The following RPE65 variants were observed in gnomAD, a reference collection of about 807,000 sequenced individuals.
RPE65 encodes the protein retinoid isomerohydrolase.
In RPE65, 58 loss-of-function variants were observed where a neutral mutation model predicts 68.5. That is an observed-to-expected ratio of 0.85 (90% CI 0.69 to 1.05). The LOEUF is 1.05. RPE65 is among the 50% of genes least tolerant of loss of function. The pLI is 0.00. For missense variants in RPE65, 643 were observed against 629.9 expected, an observed-to-expected ratio of 1.02 and a Z score of -0.22; for synonymous variants, 220 against 222.2, an observed-to-expected ratio of 0.99 and a Z score of 0.09.
At position 68,438,228 on chromosome 1, in the gene RPE65, G is replaced by C; in HGVS notation, c.1087C>G (p.Pro363Ala). 1 of 1,613,908 alleles carries C rather than the reference G, an allele frequency of 6.2e-7. No individual in the cohort carries two copies. The highest frequency in any genetic ancestry group is 8.5e-7 in the Non-Finnish European group (1 of 1,179,930). The part of the protein sequence containing the change: ...VKKNARKAPQ[P>A]EVRRYVLPLN... ...GGAAGTACATATCTCCTAACTTCAG[G>C]TTGGGGAGCCTTTCTGGCATTTTTT... Residue 363 changes from proline to alanine, a missense_variant, in exon 10 of 14, where the codon CCT (proline) becomes GCT (alanine). Transcript: ENST00000262340.
intron 3 of RPE65, 94 bp downstream of exon 3, chr1:68,446,616 G>C: frequency 1.4e-6 from 2 of 1,464,318 alleles, no homozygotes; most frequent in Non-Finnish European, 1.9e-6. Flanking sequence ...TATATAGGTT[G>C]CCTCCTGAGT....
rs777879312 is a variant in RPE65, at chr1:68,448,614, C to T, written c.94+10G>A. 3.1e-5 allele frequency: 50 copies of T among 1,613,248 alleles called. No individual in the cohort carries two copies. Among genetic ancestry groups the T allele is most frequent in the South Asian group, 6.6e-5 (6 of 90,966 alleles). ...TAAAAGAGGATGGCTTCAAGATGGGCGAGACCAACCTGTTACATGAGCTGT... is the reference window on the plus strand; with the variant it reads ...TAAAAGAGGATGGCTTCAAGATGGGTGAGACCAACCTGTTACATGAGCTGT... On this transcript the variant is annotated intron_variant, in intron 2 of 13. Transcript: ENST00000262340.
In RPE65 at chr1:68,430,706, T is replaced by A. The variant is rs536664579; in HGVS notation, c.1450+359A>T. Among the ~76,000 whole-genome samples the A allele has an allele frequency of 2.0e-4, 30 of 152,332 alleles. No homozygotes were observed. In the South Asian group the frequency reaches 6.2e-3, roughly 32 times the overall value. ...ATTCTCTTGTATCTGCTATAATACT[T>A]AGCTTCCCTTCTTAGAATTGCTATT... is the stretch of plus-strand genomic sequence containing the variant. On this transcript the variant is annotated intron_variant, in intron 13 of 13. Transcript: ENST00000262340.
chr1:68,445,241 C>T (rs921748365), intron 3 of RPE65, among the ~76,000 whole-genome samples: 2 of 152,028 alleles, frequency 1.3e-5, no homozygotes, highest in African/African-American at 2.4e-5. Context: ...ACATAGGACC[C>T]CCACCCCCAT....
chr1:68,429,585 A>T lies in RPE65; in HGVS notation c.*191T>A. 1.6e-6 allele frequency: 1 copy of T among 629,424 alleles called. No homozygotes were observed. Among genetic ancestry groups the T allele is most frequent in the Non-Finnish European group, 2.8e-6 (1 of 363,248 alleles). The allele number at this position is 629,424 out of a possible 1,614,324, so 39.0% of individuals were successfully genotyped here. A position where few individuals can be genotyped will look rare whatever the true frequency, so the allele number is the denominator to read the frequency against. On this transcript the variant is annotated 3_prime_UTR_variant, in exon 14 of 14. Transcript: ENST00000262340. ...ACAGAGGAAGTATGATTATCTAAATACGTACTTTTTTTTTTAAATAAAGGA... is the reference window on the plus strand; with the variant it reads ...ACAGAGGAAGTATGATTATCTAAATTCGTACTTTTTTTTTTAAATAAAGGA...
At chr1:68,434,311 C>T (rs1288048130) in intron 10 of RPE65, among the ~76,000 whole-genome samples, 2 of 151,900 alleles carry the variant, frequency 1.3e-5, no homozygotes, top group African/African-American at 4.8e-5. Flanking sequence ...AACTGATTCC[C>T]CTGGAAATTA....
At chr1:68,438,885 C>A (rs1434967892) in intron 9 of RPE65, 57 bp downstream of exon 9, 54 of 1,608,840 alleles carry the variant, frequency 3.4e-5, no homozygotes, top group African/African-American at 6.7e-5. Flanking sequence ...TCTGTAAAAA[C>A]CCCGTAATTT....
rs781193278 is a variant in RPE65, at chr1:68,439,004, G to A, written c.936C>T (p.Phe312=). ...TGTCTTCATAGGTGTTGATGTGATG[G>A]AAGAGGTTGAAAGGAGAAGTTCTGT... ...NKYRTSPFNL[F]HHINTYEDNG... The change falls in exon 9 of 14, where the codon TTC becomes TTT. Residue 312 remains phenylalanine, a synonymous_variant. Coordinates refer to ENST00000262340, the MANE Select transcript of RPE65 (RefSeq NM_000329.3). 1 of 1,613,994 alleles carries A rather than the reference G, an allele frequency of 6.2e-7. No homozygotes were observed. Among genetic ancestry groups the A allele is most frequent in the African/African-American group, 1.3e-5 (1 of 74,924 alleles).
In RPE65 at chr1:68,444,650, C is replaced by T. The variant is rs1270467125; in HGVS notation, c.376G>A (p.Val126Ile). The change falls in exon 5 of 14, where the codon GTA becomes ATA. Residue 126 changes from valine (V) to isoleucine (I), a missense_variant. Val to Ile is a conservative substitution (Grantham distance 29). Transcript: ENST00000262340. Reference sequence around the variant, plus strand: ...ACAAGGGCATTGTCAGTAACCTCTACTCCTCGAAAGTAAGAAAAAAACCTG... The same window carrying T: ...ACAAGGGCATTGTCAGTAACCTCTATTCCTCGAAAGTAAGAAAAAAACCTG... Reference protein sequence around the residue: ...FSRFFSYFRGVEVTDNALVNV... With the variant: ...FSRFFSYFRGIEVTDNALVNV... The T allele has an allele frequency of 2.5e-6, 4 of 1,614,134 alleles. No individual in the cohort carries two copies. The highest frequency in any genetic ancestry group is 3.4e-6 in the Non-Finnish European group (4 of 1,180,030).
At chr1:68,441,953 G>T (rs1466015831) in intron 5 of RPE65, among the ~76,000 whole-genome samples, 3 of 152,122 alleles carry the variant, frequency 2.0e-5, no homozygotes, top group Non-Finnish European at 4.4e-5. Context: ...GGAGAGAGAA[G>T]ATCTTTGCTT....
chr1:68,449,811 G>T, intron 1 of RPE65, 84 bp downstream of exon 1: 1 of 1,479,240 alleles, frequency 6.8e-7, no homozygotes, highest in Non-Finnish European at 9.5e-7. Context: ...ATTAATCAAT[G>T]CCTTCTCTTC....
chr1:68,430,316 A>G (rs1328267882), intron 13 of RPE65, among the ~76,000 whole-genome samples: 2 of 152,234 alleles, frequency 1.3e-5, no homozygotes, highest in Admixed American at 6.5e-5. Context: ...GATCACATGA[A>G]AAGTGTGTAT....
intron 5 of RPE65, among the ~76,000 whole-genome samples, chr1:68,442,773 A>G (rs1465520620): frequency 6.6e-6 from 1 of 152,106 alleles, no homozygotes; most frequent in African/African-American, 2.4e-5. Context: ...TGATTTAGAA[A>G]CTCAGCTTTT....
rs773612245 is a variant in RPE65 at position 68,439,061 on chromosome 1, G to A, written c.879C>T (p.Asp293=). 2.5e-6 allele frequency: 4 copies of A among 1,613,496 alleles called. No individual in the cohort carries two copies. The highest frequency in any genetic ancestry group is 1.1e-5 in the South Asian group (1 of 91,028). ...TATTGAGGTACTTTTTCCTTTTTTT[G>A]TCAGCAATATGAAGCCAAACCTTGA... is the stretch of plus-strand genomic sequence containing the variant. ...ETMGVWLHIA[D]KKRKKYLNNK... is the part of the protein sequence containing the mutation. The change falls in exon 9 of 14, where the codon GAC becomes GAT. Residue 293 remains aspartate, a synonymous_variant. Transcript: ENST00000262340.
chr1:68,444,764 G>A lies in RPE65; in HGVS notation c.353+12C>T. 6.2e-7 allele frequency: 1 copy of A among 1,613,960 alleles called. No homozygotes were observed. The highest frequency in any genetic ancestry group is 8.5e-7 in the Non-Finnish European group (1 of 1,179,838). On this transcript the variant is annotated intron_variant, in intron 4 of 13. Coordinates refer to ENST00000262340, the MANE Select transcript of RPE65 (RefSeq NM_000329.3). ...AAATGTCTTGAGTAACATTCAGTTT[G>A]GGTTCAGTAACCTGGAAAATATATT...
intron 10 of RPE65, among the ~76,000 whole-genome samples, chr1:68,437,677 A>G (rs1292300015): frequency 6.6e-6 from 1 of 152,190 alleles, no homozygotes; most frequent in Non-Finnish European, 1.5e-5. Context: ...CTCTAAATAC[A>G]GGGAAGAAAA....
chr1:68,448,670 A>G lies in RPE65; in HGVS notation c.48T>C (p.Phe16=), dbSNP rs62642581. The G allele has an allele frequency of 8.0e-4, 1,293 of 1,613,884 alleles. 2 individuals are homozygous for G. Among genetic ancestry groups the G allele is most frequent in the Non-Finnish European group, 1.1e-3 (1,250 of 1,179,940 alleles). ...EHPAGGYKKL[F]ETVEELSSPL... is the part of the protein sequence containing the mutation. ...GCGAGGACAGTTCCTCCACAGTTTCAAACAGTTTCTTGTAACCACCAGCAG... is the reference window on the plus strand; with the variant it reads ...GCGAGGACAGTTCCTCCACAGTTTCGAACAGTTTCTTGTAACCACCAGCAG... The change falls in exon 2 of 14, where the codon TTT becomes TTC. Residue 16 remains phenylalanine, a synonymous_variant. Coordinates refer to ENST00000262340, the MANE Select transcript of RPE65 (RefSeq NM_000329.3).
chr1:68,438,642 G>A (rs772316597), intron 9 of RPE65, among the ~76,000 whole-genome samples: 9 of 152,060 alleles, frequency 5.9e-5, no homozygotes, highest in Non-Finnish European at 1.5e-5. Context: ...TTCTCCCTTC[G>A]CAGAGAAGAT....
At chr1:68,441,241 A>G (rs1645900392) in intron 5 of RPE65, among the ~76,000 whole-genome samples, 1 of 152,170 alleles carries the variant, frequency 6.6e-6, no homozygotes, top group Admixed American at 6.5e-5. Flanking sequence ...GATGTATACC[A>G]TACAGTGCTC....
Sources: gnomAD v4.1 joint callset for allele counts (sites outside exome capture counted in the v4.1 genomes callset) on GRCh38, gnomAD v4.1.1 for gene constraint, MANE v1.5 for transcripts, NCBI Gene and HGNC (gene_info 2026-07-23, HGNC 2026-07-21) for gene names.